SPOCK3: variants seen among roughly 807,000 people sequenced by gnomAD.
SPOCK3 encodes the protein SPARC (osteonectin), cwcv and kazal like domains proteoglycan 3, also known as testican-3.
SPOCK3 carries 30 observed loss-of-function variants against 56.6 expected under a neutral mutation model. That is an observed-to-expected ratio of 0.53 (90% confidence interval 0.40 to 0.72). The LOEUF is 0.72. Among genes scored for constraint, SPOCK3 ranks in the 30% least tolerant of loss-of-function variants. SPOCK3 has a pLI of 0.00. For synonymous variants in SPOCK3, 196 were observed against 183.3 expected (o/e 1.07, Z -0.56); for missense variants, 527 against 530.0 (o/e 0.99, Z 0.06).
In SPOCK3 at chr4:167,192,221, G is replaced by A. The variant is rs182365569; in HGVS notation, c.189+41764C>T. Among the ~76,000 whole-genome samples the A allele has an allele frequency of 1.0e-4, 15 of 145,758 alleles. 2 individuals carry two copies. Among genetic ancestry groups the A allele is most frequent in the Admixed American group, 7.1e-4 (10 of 14,166 alleles). On this transcript the variant is annotated intron_variant, in intron 2 of 10. Coordinates refer to ENST00000357545, the MANE Select transcript of SPOCK3 (RefSeq NM_001040159.2). ...TATTTTGACATTTAAATTCTTCAGG[G>A]ATATTGGCTTATAATTTTCTTTTAT...
chr4:167,084,326 T>A (rs1757990749), intron 2 of SPOCK3, among the ~76,000 whole-genome samples: 1 of 152,116 alleles, frequency 6.6e-6, no homozygotes, highest in African/African-American at 2.4e-5. Context: ...CATAAGAAAC[T>A]ATTGCATATT....
chr4:167,109,356 A>G lies in SPOCK3; in HGVS notation c.190-46819T>C, dbSNP rs940338008. The stretch of plus-strand genomic sequence containing the variant: ...ATTAATATTATATAATAAAATAAAT[A>G]TATATTTATATATATATTTATATAA... On this transcript the variant is annotated intron_variant, in intron 2 of 10. Transcript: ENST00000357545. Among the ~76,000 whole-genome samples the G allele has an allele frequency of 6.0e-4, 23 of 38,580 alleles. No individual in the cohort carries two copies. The East Asian group carries it at 0.036, about 60-fold the overall frequency. The allele number at this position is 38,580 out of a possible 152,430, so 25.3% of individuals were successfully genotyped here. A position where few individuals can be genotyped will look rare whatever the true frequency, so the allele number is the denominator to read the frequency against.
intron 2 of SPOCK3, among the ~76,000 whole-genome samples, chr4:167,208,286 C>T (rs983961221): frequency 6.6e-6 from 1 of 152,108 alleles, no homozygotes; most frequent in East Asian, 1.9e-4. Context: ...ATAACAACAA[C>T]AGAGGTAACA....
intron 6 of SPOCK3, among the ~76,000 whole-genome samples, chr4:166,843,773 T>G (rs1469591571): frequency 6.6e-6 from 1 of 152,156 alleles, no homozygotes; most frequent in African/African-American, 2.4e-5. Context: ...AATAAGAAAA[T>G]AATACATGTC....
intron 3 of SPOCK3, among the ~76,000 whole-genome samples, chr4:167,024,616 T>C (rs1468710039): frequency 6.6e-6 from 1 of 152,022 alleles, no homozygotes; most frequent in Non-Finnish European, 1.5e-5. Flanking sequence ...TACATTAGGA[T>C]ATGTGTCAGT....
At chr4:167,097,932 A>G (rs1016042289) in intron 2 of SPOCK3, among the ~76,000 whole-genome samples, 1 of 151,990 alleles carries the variant, frequency 6.6e-6, no homozygotes, top group Non-Finnish European at 1.5e-5. Flanking sequence ...TTCTAAGCAA[A>G]TTAACACAAA....
intron 8 of SPOCK3, among the ~76,000 whole-genome samples, chr4:166,746,522 A>G (rs1735635940): frequency 6.6e-6 from 1 of 152,192 alleles, no homozygotes; most frequent in Admixed American, 6.5e-5. Flanking sequence ...AATGCCCACA[A>G]GAGAAAGCAG....
chr4:166,855,984 T>C (rs1221988549), intron 6 of SPOCK3, among the ~76,000 whole-genome samples: 1 of 152,154 alleles, frequency 6.6e-6, no homozygotes, highest in African/African-American at 2.4e-5. Flanking sequence ...AATGGATTAA[T>C]GTAGGGGAGA....
chr4:166,742,011 A>G lies in SPOCK3; in HGVS notation c.980T>C (p.Val327Ala). Reference sequence around the variant, plus strand: ...CTATTACTCACCTAGGAGCTTCTTTACCCCTTGCCGCTTCTGAATATTGCT... The same window carrying G: ...CTATTACTCACCTAGGAGCTTCTTTGCCCCTTGCCGCTTCTGAATATTGCT... ...ELSNIQKRQG[V>A]KKLLGQYIPL... The change falls in exon 9 of 11, where the codon GTA becomes GCA. Residue 327 changes from valine (V) to alanine (A), a missense_variant. Physicochemically the swap from Val to Ala is moderately conservative, Grantham distance 64. Transcript: ENST00000357545. 6.2e-7 allele frequency: 1 copy of G among 1,612,424 alleles called. No individual in the cohort carries two copies. Among genetic ancestry groups the G allele is most frequent in the South Asian group, 1.1e-5 (1 of 91,018 alleles).
At chr4:167,222,564 C>A (rs1034159326) in intron 2 of SPOCK3, among the ~76,000 whole-genome samples, 51 of 132,916 alleles carry the variant, frequency 3.8e-4, no homozygotes, top group African/African-American at 1.3e-3. Context: ...AATATATATA[C>A]ATGTTATAGA....
chr4:166,953,778 CT>C (rs1178483213), intron 4 of SPOCK3, among the ~76,000 whole-genome samples: 1 of 152,112 alleles, frequency 6.6e-6, no homozygotes, highest in Non-Finnish European at 1.5e-5. Context: ...AGTTCATGTC[CT>C]TTGTAGGGAC....
chr4:167,050,150 C>T (rs1411343240), intron 3 of SPOCK3, among the ~76,000 whole-genome samples: 3 of 152,086 alleles, frequency 2.0e-5, no homozygotes, highest in Non-Finnish European at 4.4e-5. Flanking sequence ...CCCTTTGGTA[C>T]CTGCTTCTGG....
At chr4:166,794,439 G>A (rs767139129) in intron 6 of SPOCK3, among the ~76,000 whole-genome samples, 1 of 151,690 alleles carries the variant, frequency 6.6e-6, no homozygotes, top group Non-Finnish European at 1.5e-5. Context: ...AACTACCAAG[G>A]GAACTGGATT....
At chr4:166,815,797 A>T (rs1284205835) in intron 6 of SPOCK3, among the ~76,000 whole-genome samples, 1 of 152,084 alleles carries the variant, frequency 6.6e-6, no homozygotes, top group Non-Finnish European at 1.5e-5. Context: ...TAAATAATAA[A>T]AAAGTGTTAC....
At position 167,186,350 on chromosome 4, in the gene SPOCK3, G is replaced by A. The variant is rs138785047; in HGVS notation, c.189+47635C>T. ...CACATTTAAAACAAATCTCTAGGCC[G>A]GGCGTGGTGTTTCACGCCTGTTAAT... On this transcript the variant is annotated intron_variant, in intron 2 of 10. Coordinates refer to ENST00000357545, the MANE Select transcript of SPOCK3 (RefSeq NM_001040159.2). Among the ~76,000 whole-genome samples the A allele has an allele frequency of 2.1e-4, 32 of 152,180 alleles. No individual in the cohort carries two copies. The East Asian group carries it at 3.9e-3, about 18-fold the overall frequency.
chr4:166,736,189 T>C (rs985507552), intron 10 of SPOCK3, among the ~76,000 whole-genome samples: 1 of 152,114 alleles, frequency 6.6e-6, no homozygotes, highest in African/African-American at 2.4e-5. Flanking sequence ...TCCAACTTCA[T>C]CTACTGTGTT....
intron 2 of SPOCK3, among the ~76,000 whole-genome samples, chr4:167,205,178 A>C (rs1733932646): frequency 9.0e-6 from 1 of 110,820 alleles, no homozygotes; most frequent in Non-Finnish European, 1.7e-5. Context: ...TATATTATAT[A>C]TTATAGATAT....
chr4:166,897,403 G>C (rs1325862620), intron 5 of SPOCK3, among the ~76,000 whole-genome samples: 1 of 151,996 alleles, frequency 6.6e-6, no homozygotes, highest in Non-Finnish European at 1.5e-5. Flanking sequence ...GAGAGAGGAG[G>C]GTTTTTTTCC....
intron 2 of SPOCK3, among the ~76,000 whole-genome samples, chr4:167,233,600 C>T (rs2111193026): frequency 6.6e-6 from 1 of 152,178 alleles, no homozygotes; most frequent in East Asian, 1.9e-4. Context: ...AGGATCGATC[C>T]TAGTTACTTT....
Sources: allele counts gnomAD v4.1 joint callset (sites outside exome capture counted in the v4.1 genomes callset), GRCh38; gene constraint gnomAD v4.1.1; transcripts MANE v1.5; gene names NCBI Gene and HGNC (gene_info 2026-07-23, HGNC 2026-07-21).